Variants in TMEM132C observed in about 807,000 individuals in gnomAD.
The protein encoded by TMEM132C is protein phosphatase 1, regulatory subunit 152.
A neutral mutation model predicts 61.4 loss-of-function variants in TMEM132C; 29 were observed. The observed-to-expected ratio is 0.47, with a 90% CI of 0.35 to 0.64. The LOEUF (loss-of-function observed/expected upper bound fraction) is 0.64. Ranked by LOEUF, TMEM132C falls within the 30% of genes least tolerant of loss-of-function variation. The probability of loss-of-function intolerance (pLI) is 0.00; values close to 1 mark genes in which losing one functional copy is unlikely to be tolerated. For missense variants in TMEM132C, 1,408 were observed against 1,476.9 expected (o/e 0.95, Z 0.76); for synonymous variants, 656 against 633.1 (o/e 1.04, Z -0.54).
chr12:128,395,494 T>C (rs1428506918), intron 1 of TMEM132C, among the ~76,000 whole-genome samples: 1 of 152,198 alleles, frequency 6.6e-6, no homozygotes, highest in Non-Finnish European at 1.5e-5. Context: ...CCATTGTAAA[T>C]TGAAAATATT....
At chr12:128,381,121 A>G (rs1874384227) in intron 1 of TMEM132C, among the ~76,000 whole-genome samples, 1 of 152,238 alleles carries the variant, frequency 6.6e-6, no homozygotes. Context: ...CCACTTGCTT[A>G]TATGTAGTAT....
intron 1 of TMEM132C, among the ~76,000 whole-genome samples, chr12:128,297,479 C>T (rs1871449876): frequency 6.6e-6 from 1 of 152,192 alleles, no homozygotes; most frequent in Non-Finnish European, 1.5e-5. Flanking sequence ...ATAAGCTTCG[C>T]CCTCCTTGGG....
rs187837172 is a variant in TMEM132C at position 128,278,121 on chromosome 12, C to T, written c.85+10634C>T. ...CAGTTTCTCATGCCGCAGCTGTATA[C>T]GGTGACCCTAAAAGGCTTGCCCCTC... On this transcript the variant is annotated intron_variant, in intron 1 of 8. Coordinates refer to ENST00000435159, the MANE Select transcript of TMEM132C (RefSeq NM_001136103.3). The surrounding 1 kb of genome is among the most constrained non-coding windows in gnomAD (Gnocchi z 4.2). Among the ~76,000 whole-genome samples the T allele has an allele frequency of 9.9e-5, 15 of 152,206 alleles. No individual in the cohort carries two copies. The highest frequency in any genetic ancestry group is 1.3e-4 in the Non-Finnish European group (9 of 68,010).
chr12:128,524,968 C>G (rs12301399), intron 2 of TMEM132C, among the ~76,000 whole-genome samples: 15,377 of 152,214 alleles, frequency 0.1, 819 homozygotes, highest in South Asian at 0.17. Flanking sequence ...AGTCACTGCC[C>G]ACTGTAGCAG....
At chr12:128,669,277 C>T (rs1954506406) in intron 4 of TMEM132C, 140 bp from the exon 5 acceptor site, 1 of 849,136 alleles carries the variant, frequency 1.2e-6, no homozygotes, top group Non-Finnish European at 1.7e-6. Context: ...AGTCCTGGTA[C>T]AGTATGTAAA....
At chr12:128,584,728 C>T (rs12301190) in intron 3 of TMEM132C, among the ~76,000 whole-genome samples, 98 of 152,330 alleles carry the variant, frequency 6.4e-4, no homozygotes, top group African/African-American at 2.3e-3. Flanking sequence ...AGAAAGTCCA[C>T]ATGGCCCCAT....
intron 2 of TMEM132C, among the ~76,000 whole-genome samples, chr12:128,443,478 T>C (rs970827343): frequency 6.6e-6 from 1 of 152,232 alleles, no homozygotes; most frequent in African/African-American, 2.4e-5. Flanking sequence ...AGTTTTTAAA[T>C]TTAGCTGGAG....
At chr12:128,446,316 G>T (rs1593056231) in intron 2 of TMEM132C, among the ~76,000 whole-genome samples, 1 of 152,190 alleles carries the variant, frequency 6.6e-6, no homozygotes, top group East Asian at 1.9e-4. Flanking sequence ...GGCCATGAGG[G>T]ATGCAGACAG....
chr12:128,529,096 A>G (rs1427106280), intron 2 of TMEM132C, among the ~76,000 whole-genome samples: 3 of 152,126 alleles, frequency 2.0e-5, no homozygotes, highest in African/African-American at 7.2e-5. Flanking sequence ...TTATAATTAT[A>G]ACACTGTTCA....
At chr12:128,461,213 C>G (rs1870522156) in intron 2 of TMEM132C, among the ~76,000 whole-genome samples, 3 of 152,134 alleles carry the variant, frequency 2.0e-5, no homozygotes, top group African/African-American at 7.2e-5. Context: ...ATTTTAAAAT[C>G]TACATGTTCT....
At chr12:128,392,370 T>G (rs1331201252) in intron 1 of TMEM132C, among the ~76,000 whole-genome samples, 1 of 152,196 alleles carries the variant, frequency 6.6e-6, no homozygotes, top group Non-Finnish European at 1.5e-5. Context: ...TGAAAGAGCT[T>G]ATATTCCAGT....
At position 128,621,667 on chromosome 12, in the gene TMEM132C, T is replaced by G. The variant is rs145691928; in HGVS notation, c.1305+5332T>G. Among the ~76,000 whole-genome samples the G allele has an allele frequency of 4.4e-4, 67 of 152,298 alleles. 1 individual carries two copies. In the East Asian group the frequency reaches 7.2e-3, roughly 16 times the overall value. ...CTGTTTCGGGAGCCCTGGGACACAA[T>G]GCATCCTCATCTGCCCGGCCTGATG... On this transcript the variant is annotated intron_variant, in intron 4 of 8. Transcript: ENST00000435159.
chr12:128,301,911 T>A (rs77507791), intron 1 of TMEM132C, among the ~76,000 whole-genome samples: 4 of 152,152 alleles, frequency 2.6e-5, no homozygotes, highest in East Asian at 3.9e-4. Context: ...TGGTGGCAGA[T>A]GAGAGAAATG....
At chr12:128,700,199 G>C (rs1458052041) in intron 8 of TMEM132C, among the ~76,000 whole-genome samples, 1 of 152,152 alleles carries the variant, frequency 6.6e-6, no homozygotes, top group Non-Finnish European at 1.5e-5. Context: ...TGACTTAGGG[G>C]GATTTGTGGA....
intron 2 of TMEM132C, among the ~76,000 whole-genome samples, chr12:128,433,650 G>T (rs1234131748): frequency 1.3e-5 from 2 of 152,172 alleles, no homozygotes; most frequent in Non-Finnish European, 2.9e-5. Flanking sequence ...CTTAAGTGTT[G>T]ATAGGACCCT....
rs145056452 is a variant in TMEM132C at position 128,475,077 on chromosome 12, G to A, written c.974+59457G>A. Among the ~76,000 whole-genome samples, 331 of 152,260 alleles carry A rather than the reference G, an allele frequency of 2.2e-3. 1 individual carries two copies. The highest frequency in any genetic ancestry group is 7.1e-3 in the African/African-American group (294 of 41,538). On this transcript the variant is annotated intron_variant, in intron 2 of 8. Coordinates refer to ENST00000435159, the MANE Select transcript of TMEM132C (RefSeq NM_001136103.3). ...GACGTGAGGATGTGGCAACAATTCT[G>A]CAGAAGGGCTGTGGGTGGGGGCACA...
intron 4 of TMEM132C, among the ~76,000 whole-genome samples, chr12:128,663,868 G>GCA: frequency 7.0e-6 from 1 of 142,458 alleles, no homozygotes; most frequent in Middle Eastern, 3.7e-3. Context: ...ACTCACACAG[G>GCA]CACACACACA....
intron 2 of TMEM132C, among the ~76,000 whole-genome samples, chr12:128,444,868 G>A (rs558342705): frequency 6.6e-6 from 1 of 151,960 alleles, no homozygotes; most frequent in African/African-American, 2.4e-5. Flanking sequence ...TTAGGAAGTG[G>A]TCTTAAGTCA....
At chr12:128,607,394 G>A (rs562324189) in intron 3 of TMEM132C, among the ~76,000 whole-genome samples, 5 of 152,276 alleles carry the variant, frequency 3.3e-5, no homozygotes, top group Admixed American at 6.5e-5. Context: ...GGTTTAGGCC[G>A]GAGAAATCTC....
Sources: gnomAD v4.1 joint callset for allele counts (sites outside exome capture counted in the v4.1 genomes callset) on GRCh38, gnomAD v4.1.1 for gene constraint, Gnocchi (gnomAD v3.1) non-coding constraint, MANE v1.5 for transcripts, NCBI Gene and HGNC (gene_info 2026-07-23, HGNC 2026-07-21) for gene names.